BTC: variants seen among roughly 807,000 people sequenced by gnomAD.
The protein encoded by BTC is probetacellulin.
BTC carries 13 observed loss-of-function variants against 18.1 expected under a neutral mutation model. The ratio of observed to expected loss-of-function variants is 0.72; its 90% CI spans 0.47 to 1.14. The LOEUF (loss-of-function observed/expected upper bound fraction) is 1.14, where lower values mean the gene tolerates loss of function less well. Among genes scored for constraint, BTC ranks in the 50% most tolerant of loss-of-function variants. The probability of loss-of-function intolerance (pLI) is 0.00; values close to 1 mark genes in which losing one functional copy is unlikely to be tolerated. For synonymous variants in BTC, 83 were observed against 79.4 expected, an observed-to-expected ratio of 1.05 and a Z score of -0.24; for missense variants, 247 against 224.2, an observed-to-expected ratio of 1.10 and a Z score of -0.65.
chr4:74,749,653 C>T (rs1229945958), intron 4 of BTC, among the ~76,000 whole-genome samples: 1 of 124,824 alleles, frequency 8.0e-6, no homozygotes, highest in African/African-American at 3.1e-5. Context: ...CTTCTCAAGA[C>T]AAAAAGATAC....
At chr4:74,766,238 T>C (rs939057833) in intron 2 of BTC, among the ~76,000 whole-genome samples, 1 of 152,022 alleles carries the variant, frequency 6.6e-6, no homozygotes, top group Non-Finnish European at 1.5e-5. Flanking sequence ...TTATAAATGT[T>C]GTACTCTTAG....
intron 1 of BTC, among the ~76,000 whole-genome samples, chr4:74,782,002 A>T (rs1421654401): frequency 6.6e-6 from 1 of 152,134 alleles, no homozygotes; most frequent in East Asian, 1.9e-4. Context: ...CATGGAATCA[A>T]TATTTGATCA....
At chr4:74,754,750 T>C (rs1724551424) in intron 3 of BTC, among the ~76,000 whole-genome samples, 1 of 152,120 alleles carries the variant, frequency 6.6e-6, no homozygotes, top group Non-Finnish European at 1.5e-5. Flanking sequence ...CTTAGGCAGG[T>C]AGATTACACA....
chr4:74,787,019 C>T lies in BTC; in HGVS notation c.64+7243G>A, dbSNP rs1328016122. On this transcript the variant is annotated intron_variant, in intron 1 of 5. Transcript: ENST00000395743. ...TGTTATTTTACTGGCTGGGCATCTT[C>T]CACCAACAGCCACTTACATTCATTC... is the stretch of plus-strand genomic sequence containing the variant. Among the ~76,000 whole-genome samples the T allele has an allele frequency of 2.6e-5, 4 of 151,460 alleles. No homozygotes were observed. In the East Asian group the frequency reaches 5.8e-4, roughly 22 times the overall value.
chr4:74,759,808 T>C (rs1456862442), intron 2 of BTC, among the ~76,000 whole-genome samples: 3 of 152,170 alleles, frequency 2.0e-5, no homozygotes, highest in Non-Finnish European at 4.4e-5. Context: ...TTGGGTCATA[T>C]GGGAAGTTAC....
At chr4:74,756,073 A>G in intron 2 of BTC, 97 bp from the exon 3 acceptor site, 1 of 1,109,596 alleles carries the variant, frequency 9.0e-7, no homozygotes, top group South Asian at 1.3e-5. Flanking sequence ...TCTCTGTAGA[A>G]TATGTTTGAA....
At chr4:74,770,023 ACT>A in intron 2 of BTC, 33 bp downstream of exon 2, 1 of 1,522,346 alleles carries the variant, frequency 6.6e-7, no homozygotes, top group Non-Finnish European at 9.0e-7. Context: ...GAAAATTAAA[ACT>A]CAGATTTGAA....
intron 2 of BTC, among the ~76,000 whole-genome samples, chr4:74,767,260 T>C (rs957838808): frequency 6.6e-6 from 1 of 151,410 alleles, no homozygotes; most frequent in Non-Finnish European, 1.5e-5. Flanking sequence ...AAAATCAACA[T>C]GAAAAACCAG....
intron 1 of BTC, among the ~76,000 whole-genome samples, chr4:74,792,919 G>A (rs545083333): frequency 6.6e-6 from 1 of 152,282 alleles, no homozygotes; most frequent in South Asian, 2.1e-4. Flanking sequence ...AAGTTCTAGG[G>A]CAGGAATCAT....
At chr4:74,748,662 G>A (rs1193440057) in intron 4 of BTC, among the ~76,000 whole-genome samples, 4 of 152,200 alleles carry the variant, frequency 2.6e-5, no homozygotes, top group Non-Finnish European at 5.9e-5. Context: ...TATATTGATG[G>A]AGTTTAGTTA....
At chr4:74,762,367 T>C (rs1358986510) in intron 2 of BTC, among the ~76,000 whole-genome samples, 1 of 152,148 alleles carries the variant, frequency 6.6e-6, no homozygotes, top group African/African-American at 2.4e-5. Context: ...CTCTCTGTGC[T>C]TCAGTGTCTT....
At chr4:74,786,545 A>G (rs1431628303) in intron 1 of BTC, among the ~76,000 whole-genome samples, 1 of 152,222 alleles carries the variant, frequency 6.6e-6, no homozygotes, top group Non-Finnish European at 1.5e-5. Flanking sequence ...TTTAATACTA[A>G]ACATAAACCC....
intron 1 of BTC, among the ~76,000 whole-genome samples, chr4:74,784,603 A>G (rs1222645065): frequency 1.3e-5 from 2 of 152,266 alleles, no homozygotes; most frequent in Non-Finnish European, 2.9e-5. Context: ...TATTCTTTCA[A>G]TACCTAGTTT....
intron 1 of BTC, among the ~76,000 whole-genome samples, chr4:74,789,686 G>A (rs778195048): frequency 6.6e-5 from 10 of 152,090 alleles, no homozygotes; most frequent in Admixed American, 3.9e-4. Flanking sequence ...CTAAATTAAT[G>A]TATTTTTCTT....
At chr4:74,784,966 T>C (rs1254621835) in intron 1 of BTC, among the ~76,000 whole-genome samples, 2 of 152,200 alleles carry the variant, frequency 1.3e-5, no homozygotes, top group Non-Finnish European at 2.9e-5. Flanking sequence ...TAATCCCTCC[T>C]TTTTAATTTT....
At chr4:74,766,460 G>A (rs1724905581) in intron 2 of BTC, among the ~76,000 whole-genome samples, 1 of 151,816 alleles carries the variant, frequency 6.6e-6, no homozygotes, top group Admixed American at 6.6e-5. Flanking sequence ...TTTTAAAACT[G>A]ATGTCACAGA....
chr4:74,774,644 G>A (rs1421162610), intron 1 of BTC, among the ~76,000 whole-genome samples: 4 of 151,574 alleles, frequency 2.6e-5, no homozygotes, highest in Admixed American at 6.6e-5. Flanking sequence ...CTTGTTAAAA[G>A]ACATGGCATG....
At chr4:74,791,600 T>C (rs1725629120) in intron 1 of BTC, among the ~76,000 whole-genome samples, 1 of 152,200 alleles carries the variant, frequency 6.6e-6, no homozygotes, top group South Asian at 2.1e-4. Flanking sequence ...ACCTTCTTTT[T>C]ATATCTCCAA....
intron 3 of BTC, 54 bp downstream of exon 3, chr4:74,755,805 A>T: frequency 6.6e-7 from 1 of 1,516,016 alleles, no homozygotes. Context: ...GGCAAGACCC[A>T]GGCGGGCACC....
Sources: gnomAD v4.1 joint callset for allele counts (sites outside exome capture counted in the v4.1 genomes callset) on GRCh38, gnomAD v4.1.1 for gene constraint, MANE v1.5 for transcripts, NCBI Gene and HGNC (gene_info 2026-07-23, HGNC 2026-07-21) for gene names.